Variants in DGKI observed in about 807,000 individuals in gnomAD.
The protein encoded by DGKI is DAG kinase iota.
Under a neutral mutation model 147.5 loss-of-function variants are expected in DGKI, and 55 were observed. That is an observed-to-expected ratio of 0.37 (90% CI 0.30 to 0.47). The LOEUF is 0.47. Among genes scored for constraint, DGKI ranks in the 20% least tolerant of loss-of-function variants. The pLI, the probability that DGKI is intolerant of heterozygous loss-of-function variation, is 1.00. For synonymous variants in DGKI, 469 were observed against 477.1 expected (o/e 0.98, Z 0.22); for missense variants, 1,007 against 1,323.8 (o/e 0.76, Z 3.71).
intron 1 of DGKI, among the ~76,000 whole-genome samples, chr7:137,735,241 A>G (rs958897925): frequency 1.3e-5 from 2 of 152,110 alleles, no homozygotes. Context: ...GTTCAAACTT[A>G]TCTTTTGCTA....
At chr7:137,638,538 ATG>A (rs1225659960) in intron 6 of DGKI, among the ~76,000 whole-genome samples, 22 of 119,668 alleles carry the variant, frequency 1.8e-4, no homozygotes, top group South Asian at 5.2e-4. Context: ...ACACACATAT[ATG>A]TATATATATG....
chr7:137,686,721 G>A (rs188687929), intron 2 of DGKI, among the ~76,000 whole-genome samples: 1 of 152,268 alleles, frequency 6.6e-6, no homozygotes, highest in Non-Finnish European at 1.5e-5. Flanking sequence ...AGAAGTGCAG[G>A]TGCCTATAGT....
chr7:137,424,892 G>A (rs530646064), intron 28 of DGKI, among the ~76,000 whole-genome samples: 78 of 152,346 alleles, frequency 5.1e-4, no homozygotes, highest in African/African-American at 1.8e-3. Flanking sequence ...CAGGAAGCTC[G>A]AACTGGGTGG....
intron 1 of DGKI, among the ~76,000 whole-genome samples, chr7:137,725,887 C>T (rs1044661427): frequency 1.9e-4 from 29 of 152,170 alleles, no homozygotes; most frequent in African/African-American, 7.0e-4. Flanking sequence ...AACGTGATTT[C>T]TTTCGTTTTC....
intron 1 of DGKI, among the ~76,000 whole-genome samples, chr7:137,711,952 A>G (rs548446248): frequency 4.6e-5 from 7 of 151,892 alleles, no homozygotes; most frequent in South Asian, 4.2e-4. Flanking sequence ...TCTGCCTCCC[A>G]AAGTGCTGGG....
At position 137,389,056 on chromosome 7, in the gene DGKI, G is replaced by A. The variant is rs983186442; in HGVS notation, c.*2164C>T. 1.3e-5 allele frequency: 2 copies of A among 152,084 alleles called. No individual in the cohort carries two copies. Among genetic ancestry groups the A allele is most frequent in the Non-Finnish European group, 2.9e-5 (2 of 68,008 alleles). The allele number at this position is 152,084 out of a possible 1,614,324, so 9.4% of individuals were successfully genotyped here. ...TAACTGACTGCTTGGCCAAACATTT[G>A]ACTCAATCCAGGGAATGGAAGATGC... On this transcript the variant is annotated 3_prime_UTR_variant, in exon 33 of 33. Coordinates refer to ENST00000614521, the MANE Select transcript of DGKI (RefSeq NM_001321708.2).
intron 1 of DGKI, among the ~76,000 whole-genome samples, chr7:137,793,228 C>T (rs766011626): frequency 7.2e-5 from 11 of 151,898 alleles, no homozygotes; most frequent in East Asian, 1.9e-4. Context: ...CTCTAGATAA[C>T]GAAAAAAAGC....
intron 1 of DGKI, among the ~76,000 whole-genome samples, chr7:137,764,960 A>G (rs1217485833): frequency 6.6e-6 from 1 of 152,192 alleles, no homozygotes; most frequent in East Asian, 1.9e-4. Context: ...TAACTTGCCT[A>G]AAGTTTCACA....
intron 1 of DGKI, among the ~76,000 whole-genome samples, chr7:137,700,759 T>C (rs954247153): frequency 1.1e-4 from 16 of 152,182 alleles, no homozygotes; most frequent in African/African-American, 3.9e-4. Context: ...GAGCCTATAA[T>C]CCCAGCTACT....
At chr7:137,578,376 G>C in intron 15 of DGKI, 51 bp from the exon 16 acceptor site, 1 of 1,368,124 alleles carries the variant, frequency 7.3e-7, no homozygotes, top group Non-Finnish European at 1.0e-6. Flanking sequence ...TAAAGGTAGC[G>C]ACTTAGATTA....
At chr7:137,487,577 G>C in intron 22 of DGKI, 33 bp downstream of exon 22, 1 of 1,568,814 alleles carries the variant, frequency 6.4e-7, no homozygotes, top group Non-Finnish European at 8.8e-7. Flanking sequence ...ATGGAAAGTT[G>C]AGGAGAATAA....
intron 24 of DGKI, among the ~76,000 whole-genome samples, chr7:137,468,274 C>T (rs1195218049): frequency 4.6e-5 from 7 of 152,028 alleles, no homozygotes; most frequent in Non-Finnish European, 1.0e-4. Flanking sequence ...TCTTTTAAAC[C>T]ATGACTGCAA....
At chr7:137,650,399 G>A (rs1200445831) in intron 5 of DGKI, among the ~76,000 whole-genome samples, 1 of 152,158 alleles carries the variant, frequency 6.6e-6, no homozygotes, top group African/African-American at 2.4e-5. Context: ...GAAAGAACAA[G>A]ACACTTTGAT....
chr7:137,846,685 C>T lies in DGKI; in HGVS notation c.178G>A (p.Gly60Arg), dbSNP rs1207459653. Reference protein sequence around the residue: ...AGAMNPSSSAGEEKGATGGSS... With the variant: ...AGAMNPSSSAREEKGATGGSS... ...CCGCCCGTCGCCCCTTTCTCCTCTCCCGCCGAGGAGCTGGGGTTCATGGCG... is the reference window on the plus strand; with the variant it reads ...CCGCCCGTCGCCCCTTTCTCCTCTCTCGCCGAGGAGCTGGGGTTCATGGCG... Residue 60 changes from glycine (G) to arginine (R), a missense_variant, in exon 1 of 33, where the codon GGA (glycine) becomes AGA (arginine). Transcript: ENST00000614521. This position sits in a 1 kb window ranked among gnomAD's most constrained non-coding sequence, Gnocchi z 4.0. 3.7e-6 allele frequency: 4 copies of T among 1,068,390 alleles called. No individual in the cohort carries two copies. The highest frequency in any genetic ancestry group is 4.5e-6 in the Non-Finnish European group (4 of 880,608). 66.2% of individuals were successfully genotyped at this position (1,068,390 alleles called of 1,614,324 possible). A position where few individuals can be genotyped will look rare whatever the true frequency, so the allele number is the denominator to read the frequency against.
chr7:137,586,155 A>G (rs928605765), intron 13 of DGKI, among the ~76,000 whole-genome samples: 1 of 152,198 alleles, frequency 6.6e-6, no homozygotes, highest in Admixed American at 6.5e-5. Context: ...GACCAGGTGC[A>G]GTAACTCAAG....
At chr7:137,435,848 C>A (rs1265775022) in intron 28 of DGKI, among the ~76,000 whole-genome samples, 1 of 152,166 alleles carries the variant, frequency 6.6e-6, no homozygotes, top group Admixed American at 6.5e-5. Context: ...GGCACGATCT[C>A]GGCTCTCTGC....
At chr7:137,692,491 A>T (rs1336008697) in intron 1 of DGKI, among the ~76,000 whole-genome samples, 2 of 152,168 alleles carry the variant, frequency 1.3e-5, no homozygotes, top group African/African-American at 4.8e-5. Context: ...TTTTTAAGAG[A>T]GGAAACAAAA....
At chr7:137,606,033 A>G (rs1368894876) in intron 10 of DGKI, among the ~76,000 whole-genome samples, 1 of 152,248 alleles carries the variant, frequency 6.6e-6, no homozygotes, top group African/African-American at 2.4e-5. Context: ...TGCTCATTAT[A>G]CATGCCATAA....
intron 27 of DGKI, among the ~76,000 whole-genome samples, chr7:137,453,761 A>AATC (rs1479590742): frequency 6.6e-6 from 1 of 152,114 alleles, no homozygotes; most frequent in Non-Finnish European, 1.5e-5. Context: ...GAGGGAAGGA[A>AATC]ATCATTTCCA....
Sources: gnomAD v4.1 joint callset for allele counts (sites outside exome capture counted in the v4.1 genomes callset) on GRCh38, gnomAD v4.1.1 for gene constraint, Gnocchi (gnomAD v3.1) non-coding constraint, MANE v1.5 for transcripts, NCBI Gene and HGNC (gene_info 2026-07-23, HGNC 2026-07-21) for gene names.